ABCA2: variants seen among roughly 807,000 people sequenced by gnomAD.
ABCA2 encodes ATP-binding cassette sub-family A member 2.
Under a neutral mutation model 262.8 loss-of-function variants are expected in ABCA2, and 84 were observed. The observed-to-expected ratio is 0.32, with a 90% CI of 0.27 to 0.38. The LOEUF is 0.38. Ranked by LOEUF, ABCA2 falls within the 10% of genes least tolerant of loss-of-function variation. The pLI is 1.00. For synonymous variants in ABCA2, 1,696 were observed against 1,502.9 expected, an observed-to-expected ratio of 1.13 and a Z score of -2.97; for missense variants, 2,662 against 3,405.9, an observed-to-expected ratio of 0.78 and a Z score of 5.44.
At position 137,008,875 on chromosome 9, in the gene ABCA2, G is replaced by T. The variant is rs79419594; in HGVS notation, c.6931-7C>A. On this transcript the variant is annotated splice_polypyrimidine_tract_variant and splice_region_variant and intron_variant, in intron 46 of 48. Coordinates refer to ENST00000341511, the MANE Select transcript of ABCA2 (RefSeq NM_001606.5). ...CCTTTGTGTGGTGCCGCTCCTGCAGGGGGGGAGGTCAGAGGCCTGGCAGCG... is the reference window on the plus strand; with the variant it reads ...CCTTTGTGTGGTGCCGCTCCTGCAGTGGGGGAGGTCAGAGGCCTGGCAGCG... 20 of 1,603,846 alleles carry T rather than the reference G, an allele frequency of 1.2e-5. No homozygotes were observed. The East Asian group carries it at 1.6e-4, about 13-fold the overall frequency.
In ABCA2 at chr9:137,015,091, C is replaced by T. The variant is rs2131445048; in HGVS notation, c.3704G>A (p.Gly1235Glu). 1 of 1,585,254 alleles carries T rather than the reference C, an allele frequency of 6.3e-7. No homozygotes were observed. The highest frequency in any genetic ancestry group is 8.6e-7 in the Non-Finnish European group (1 of 1,167,756). Residue 1235 changes from glycine (G) to glutamate (E), a missense_variant, in exon 25 of 49, where the codon GGG (glycine) becomes GAG (glutamate). This residue lies in a region of ABCA2 where 297 missense variants were observed against 286.5 expected (regional missense o/e 1.04). Transcript: ENST00000341511. The stretch of plus-strand genomic sequence containing the variant: ...CCGACCTGGGGGGCTGGATGCCAGC[C>T]CTGGCTCTGTGGGGGACGTGGGAGC... ...PAEPGGPQEP[G>E]LASSPPGRAP...
chr9:137,016,506 G>A (rs768784174), intron 20 of ABCA2, 35 bp from the exon 21 acceptor site: 21 of 1,612,390 alleles, frequency 1.3e-5, no homozygotes, highest in Admixed American at 6.7e-5. Context: ...GGGTGGGGGC[G>A]GCGCCAAGGC....
rs375587545 is a variant in ABCA2 at position 137,011,002 on chromosome 9, C to A, written c.6027G>T (p.Met2009Ile). 1.7e-5 allele frequency: 27 copies of A among 1,605,994 alleles called. No homozygotes were observed. The East Asian group carries it at 4.3e-4, about 25-fold the overall frequency. The change falls in exon 39 of 49, where the codon ATG becomes ATT. Residue 2009 changes from methionine to isoleucine, a missense_variant. Met to Ile is a conservative substitution (Grantham distance 10). Transcript: ENST00000341511. The surrounding 1 kb of genome is among the most constrained non-coding windows in gnomAD (Gnocchi z 8.8). Reference sequence around the variant, plus strand: ...GCCGCCGCAGGAAGTTGTACTGGCACATGATGGTCAGGAGGAAGCCCACGA... The same window carrying A: ...GCCGCCGCAGGAAGTTGTACTGGCAAATGATGGTCAGGAGGAAGCCCACGA... ...EGVVGFLLTI[M>I]CQYNFLRRPQ... is the part of the protein sequence containing the mutation.
intron 47 of ABCA2, 50 bp downstream of exon 47, chr9:137,008,681 C>T (rs1564209709): frequency 9.0e-5 from 26 of 289,040 alleles, no homozygotes; most frequent in Non-Finnish European, 1.3e-4. Context: ...AGGGGCAGGG[C>T]GGGTGAGGGG....
chr9:137,025,605 G>A (rs1490265420), intron 1 of ABCA2, among the ~76,000 whole-genome samples: 2 of 152,172 alleles, frequency 1.3e-5, no homozygotes, highest in African/African-American at 4.8e-5. Context: ...GCCTCCACCC[G>A]CTCCCTGAGC....
chr9:137,022,680 A>G, intron 5 of ABCA2, 22 bp downstream of exon 5: 5 of 1,599,298 alleles, frequency 3.1e-6, no homozygotes, highest in Non-Finnish European at 3.4e-6. Flanking sequence ...CCTGCCCCCC[A>G]ACTTCCCTGC....
chr9:137,012,972 G>GC (rs764743418), intron 30 of ABCA2, 30 bp downstream of exon 30: 18 of 1,479,886 alleles, frequency 1.2e-5, no homozygotes, highest in South Asian at 5.3e-5. Flanking sequence ...CACTGCCCCT[G>GC]CCCCCCCAGC....
In ABCA2 at chr9:137,014,179, A is replaced by G; in HGVS notation, c.4229T>C (p.Val1410Ala). ...CCTGCCACCCCCACCTTGCAGGCTG[A>G]CATTGTCTGGGTCCTGTGGGTTATC... ...LFDNPQDPDN[V>A]SLQEVEAEAL... is the part of the protein sequence containing the mutation. The change falls in exon 27 of 49, where the codon GTC becomes GCC. Residue 1410 changes from valine to alanine, a missense_variant. Coordinates refer to ENST00000341511, the MANE Select transcript of ABCA2 (RefSeq NM_001606.5). 1 of 1,607,862 alleles carries G rather than the reference A, an allele frequency of 6.2e-7. No individual in the cohort carries two copies. The highest frequency in any genetic ancestry group is 8.5e-7 in the Non-Finnish European group (1 of 1,177,542).
chr9:137,009,396 C>T lies in ABCA2; in HGVS notation c.6801G>A (p.Leu2267=). 1 of 1,603,706 alleles carries T rather than the reference C, an allele frequency of 6.2e-7. No individual in the cohort carries two copies. The highest frequency in any genetic ancestry group is 8.5e-7 in the Non-Finnish European group (1 of 1,179,206). Reference sequence around the variant, plus strand: ...GGTTCTTCAGGTGCTGGATGCTGCCCAGGCACCGCAGGCGACCGTTCACCA... The same window carrying T: ...GGTTCTTCAGGTGCTGGATGCTGCCTAGGCACCGCAGGCGACCGTTCACCA... ...AIMVNGRLRC[L]GSIQHLKNRF... Residue 2267 remains leucine (L), a synonymous_variant, in exon 45 of 49, where the codon CTG becomes CTA. Coordinates refer to ENST00000341511, the MANE Select transcript of ABCA2 (RefSeq NM_001606.5).
chr9:137,009,070 GT>G lies in ABCA2; in HGVS notation c.6828-18del, dbSNP rs1830937437. On this transcript the variant is annotated intron_variant, in intron 45 of 48. Transcript: ENST00000341511. ...TCTCCAAACCTGGTGGGACAGGCCG[GT>G]GGCCCGGAGCCCTGCGCCGCCCAGC... 1 of 1,601,028 alleles carries G rather than the reference GT, an allele frequency of 6.2e-7. No individual in the cohort carries two copies. The highest frequency in any genetic ancestry group is 8.5e-7 in the Non-Finnish European group (1 of 1,178,458).
At chr9:137,008,376 T>C in intron 48 of ABCA2, 40 bp downstream of exon 48, 1 of 1,545,846 alleles carries the variant, frequency 6.5e-7, no homozygotes, top group East Asian at 2.4e-5. Context: ...CTGGGTCCAG[T>C]GGGCAGAGCC....
rs746227428 is a variant in ABCA2 at position 137,013,258 on chromosome 9, C to T, written c.4611G>A (p.Ser1537=). 11 of 1,592,546 alleles carry T rather than the reference C, an allele frequency of 6.9e-6. No homozygotes were observed. Among genetic ancestry groups the T allele is most frequent in the African/African-American group, 4.0e-5 (3 of 74,592 alleles). Residue 1537 remains serine (S), a synonymous_variant, in exon 30 of 49, where the codon TCG becomes TCA. Transcript: ENST00000341511. ...TGAGCACGCAGGTGGCACCCACCCC[C>T]GACGGCAGCCGGAACGTGCTCACGA... ...QQLVSTFRLP[S]GVGATCVLKS...
Position 137,021,643 on chromosome 9 carries a change from G to A in ABCA2, c.679-33C>T, listed in dbSNP as rs1294821177. 3.3e-6 allele frequency: 5 copies of A among 1,535,922 alleles called. No homozygotes were observed. The highest frequency in any genetic ancestry group is 2.0e-5 in the Admixed American group (1 of 50,836). ...GGGCACAGGGGTCCGTGGAGCCACG[G>A]CAAGGACTTTGTCCCCAACCACTAG... On this transcript the variant is annotated intron_variant, in intron 7 of 48. Transcript: ENST00000341511. This position sits in a 1 kb window ranked among gnomAD's most constrained non-coding sequence, Gnocchi z 6.0.
chr9:137,016,886 G>A (rs892558572), intron 19 of ABCA2, 34 bp downstream of exon 19: 1 of 1,603,300 alleles, frequency 6.2e-7, no homozygotes, highest in East Asian at 2.2e-5. Flanking sequence ...GGGGACCCCT[G>A]CCTCTCCCCT....
rs1424534542 is a variant in ABCA2 at position 137,010,343 on chromosome 9, A to T, written c.6203T>A (p.Ile2068Asn). The change falls in exon 41 of 49, where the codon ATC becomes AAC. Residue 2068 changes from isoleucine to asparagine, a missense_variant. This residue lies in a region of ABCA2 where 602 missense variants were observed against 897.4 expected (regional missense o/e 0.67). Transcript: ENST00000341511. ...KVYKSRKIGR[I>N]LAVDRLCLGV... ...CAGGCACAGGCGGTCAACGGCCAGG[A>T]TACGGCCAATCTTCCGGGACTTGTA... 4 of 1,580,590 alleles carry T rather than the reference A, an allele frequency of 2.5e-6. No individual in the cohort carries two copies. The highest frequency in any genetic ancestry group is 3.4e-6 in the Non-Finnish European group (4 of 1,164,060).
At chr9:137,009,243 CCA>C (rs2131426244) in intron 45 of ABCA2, 125 bp downstream of exon 45, 1 of 788,966 alleles carries the variant, frequency 1.3e-6, no homozygotes, top group East Asian at 3.1e-5. Flanking sequence ...CCCCCCAGCC[CCA>C]GTGCCCCCAG....
At chr9:137,026,566 C>A (rs1184404307) in intron 1 of ABCA2, among the ~76,000 whole-genome samples, 1 of 152,148 alleles carries the variant, frequency 6.6e-6, no homozygotes. Flanking sequence ...CCTCTGGGAG[C>A]CCTGTAGGGT....
Position 137,019,008 on chromosome 9 carries a change from C to G in ABCA2, c.1617G>C (p.Pro539=), listed in dbSNP as rs537306179. The change falls in exon 12 of 49, where the codon CCG becomes CCC. Residue 539 remains proline, a synonymous_variant. Coordinates refer to ENST00000341511, the MANE Select transcript of ABCA2 (RefSeq NM_001606.5). This position sits in a 1 kb window ranked among gnomAD's most constrained non-coding sequence, Gnocchi z 4.4. The part of the protein sequence containing the change: ...ALNLSLDELP[P]ALRQDNFSLP... Reference sequence around the variant, plus strand: ...GCGAGAAGTTGTCCTGTCTCAGGGCCGGCGGCAGCTCATCCAGTGACAGGT... The same window carrying G: ...GCGAGAAGTTGTCCTGTCTCAGGGCGGGCGGCAGCTCATCCAGTGACAGGT... The G allele has an allele frequency of 1.4e-5, 23 of 1,612,870 alleles. No homozygotes were observed. In the East Asian group the frequency reaches 4.5e-4, roughly 31 times the overall value.
rs1435287496 is a variant in ABCA2, at chr9:137,018,752, G to C, written c.1786C>G (p.Gln596Glu). The change falls in exon 13 of 49, where the codon CAG becomes GAG. Residue 596 changes from glutamine to glutamate, a missense_variant. Physicochemically the swap from Gln to Glu is conservative, Grantham distance 29. This residue lies in a region of ABCA2 where 187 missense variants were observed against 205.9 expected (regional missense o/e 0.91). Transcript: ENST00000341511. ...ACAGTGACGTTGTCCTGGTAGGCCT[G>C]GTTGAGGGTGTAGTTGACAATGCTC... ...EESIVNYTLN[Q>E]AYQDNVTVFA... 1 of 1,612,270 alleles carries C rather than the reference G, an allele frequency of 6.2e-7. No homozygotes were observed. The highest frequency in any genetic ancestry group is 1.1e-5 in the South Asian group (1 of 91,058).
Sources: allele counts gnomAD v4.1 joint callset (sites outside exome capture counted in the v4.1 genomes callset), GRCh38; gene constraint gnomAD v4.1.1; regional missense constraint gnomAD v4.1.1; non-coding constraint Gnocchi (gnomAD v3.1); transcripts MANE v1.5; gene names NCBI Gene and HGNC (gene_info 2026-07-23, HGNC 2026-07-21).